The following SGCZ variants were observed in gnomAD, a reference collection of about 807,000 sequenced individuals.
SGCZ encodes the protein sarcoglycan zeta.
In SGCZ, 40 loss-of-function variants were observed where a neutral mutation model predicts 41.3. The observed-to-expected ratio is 0.97, with a 90% CI of 0.75 to 1.26. The LOEUF (loss-of-function observed/expected upper bound fraction) is 1.26, where lower values mean the gene tolerates loss of function less well. SGCZ is among the 50% of genes most tolerant of loss of function. The pLI is 0.00. For missense variants in SGCZ, 552 were observed against 369.8 expected, an observed-to-expected ratio of 1.49 and a Z score of -4.04; for synonymous variants, 206 against 137.5, an observed-to-expected ratio of 1.50 and a Z score of -3.49.
chr8:14,773,959 T>G (rs1428109466), intron 1 of SGCZ, among the ~76,000 whole-genome samples: 2 of 152,142 alleles, frequency 1.3e-5, no homozygotes, highest in Non-Finnish European at 2.9e-5. Context: ...TAGCCAGAAG[T>G]TTTCAAATAA....
chr8:15,152,059 G>A (rs1799193216), intron 1 of SGCZ, among the ~76,000 whole-genome samples: 1 of 152,118 alleles, frequency 6.6e-6, no homozygotes, highest in African/African-American at 2.4e-5. Context: ...TAAAAGGGGT[G>A]TTTTATTATT....
intron 1 of SGCZ, among the ~76,000 whole-genome samples, chr8:14,975,809 A>ATGTG (rs66667974): frequency 9.9e-5 from 13 of 131,898 alleles, no homozygotes; most frequent in South Asian, 6.8e-4. Flanking sequence ...ATATATATAT[A>ATGTG]TGTGTGTGTG....
chr8:14,155,051 A>G (rs1158614312), intron 5 of SGCZ, among the ~76,000 whole-genome samples: 1 of 152,226 alleles, frequency 6.6e-6, no homozygotes, highest in East Asian at 1.9e-4. Context: ...GTTTTGGAGT[A>G]GTTTGCTACA....
intron 2 of SGCZ, among the ~76,000 whole-genome samples, chr8:14,474,058 A>G (rs1801288953): frequency 6.6e-6 from 1 of 152,104 alleles, no homozygotes; most frequent in Admixed American, 6.5e-5. Flanking sequence ...GGGGAAAGTT[A>G]TAGGGGAAAG....
intron 1 of SGCZ, among the ~76,000 whole-genome samples, chr8:14,809,430 T>C (rs1429239401): frequency 6.6e-6 from 1 of 152,138 alleles, no homozygotes; most frequent in Admixed American, 6.6e-5. Context: ...GGTCTTTGCC[T>C]TGTGTTAAAA....
intron 1 of SGCZ, among the ~76,000 whole-genome samples, chr8:14,654,037 A>G (rs1209195819): frequency 6.6e-6 from 1 of 152,118 alleles, no homozygotes; most frequent in Non-Finnish European, 1.5e-5. Flanking sequence ...TGCATGATGG[A>G]GCATATTATA....
At chr8:15,130,141 T>C (rs951900728) in intron 1 of SGCZ, among the ~76,000 whole-genome samples, 2 of 152,134 alleles carry the variant, frequency 1.3e-5, no homozygotes, top group African/African-American at 4.8e-5. Flanking sequence ...TGGCATTTCT[T>C]AAAGGAATGT....
intron 1 of SGCZ, among the ~76,000 whole-genome samples, chr8:15,113,763 A>G (rs536859920): frequency 2.6e-5 from 4 of 152,230 alleles, no homozygotes; most frequent in East Asian, 3.9e-4. Flanking sequence ...GACCCTCTAC[A>G]ATCCTCCTAC....
intron 1 of SGCZ, among the ~76,000 whole-genome samples, chr8:15,024,994 T>A (rs1241614531): frequency 2.7e-5 from 4 of 149,306 alleles, no homozygotes; most frequent in Non-Finnish European, 4.5e-5. Flanking sequence ...GAAAGATGAG[T>A]TTCAAGCAAA....
intron 2 of SGCZ, among the ~76,000 whole-genome samples, chr8:14,390,696 A>G (rs1364780486): frequency 1.3e-5 from 2 of 151,992 alleles, no homozygotes; most frequent in Non-Finnish European, 2.9e-5. Flanking sequence ...GAAGTTATTT[A>G]AATTATATGA....
chr8:15,048,659 T>A (rs1489421322), intron 1 of SGCZ, among the ~76,000 whole-genome samples: 5 of 152,106 alleles, frequency 3.3e-5, no homozygotes, highest in African/African-American at 1.2e-4. Flanking sequence ...ATTCTCCAAT[T>A]GGGATCAAAA....
intron 1 of SGCZ, among the ~76,000 whole-genome samples, chr8:14,981,906 T>TTGGGAGGC (rs1324117221): frequency 6.6e-6 from 1 of 152,064 alleles, no homozygotes; most frequent in Non-Finnish European, 1.5e-5. Flanking sequence ...TCCCAGCACT[T>TTGGGAGGC]TGGGAGGCTG....
chr8:15,203,393 A>G (rs17121136), intron 1 of SGCZ, among the ~76,000 whole-genome samples: 9,107 of 152,184 alleles, frequency 0.06, 314 homozygotes, highest in African/African-American at 0.078. Flanking sequence ...TGAGTGTACA[A>G]ACCCCGTGAG....
intron 1 of SGCZ, among the ~76,000 whole-genome samples, chr8:14,721,479 T>C (rs186091283): frequency 6.6e-6 from 1 of 152,270 alleles, no homozygotes; most frequent in Admixed American, 6.5e-5. Context: ...CTTAGGCCAG[T>C]ATTGAAAGCA....
chr8:14,851,329 A>C (rs908359872), intron 1 of SGCZ, among the ~76,000 whole-genome samples: 2 of 136,204 alleles, frequency 1.5e-5, no homozygotes, highest in African/African-American at 5.7e-5. Context: ...AGATCATGCC[A>C]CTGCACTCCA....
rs779172139 is a variant in SGCZ, at chr8:14,309,354, G to A, written c.336+14749C>T. 8.0e-5 allele frequency: 128 copies of A among 1,603,900 alleles called. 1 individual carries two copies. Among genetic ancestry groups the A allele is most frequent in the Non-Finnish European group, 1.0e-4 (122 of 1,173,028 alleles). On this transcript the variant is annotated intron_variant, in intron 3 of 7. Coordinates refer to ENST00000382080, the MANE Select transcript of SGCZ (RefSeq NM_139167.4). The stretch of plus-strand genomic sequence containing the variant: ...GATGAGAAAAACAAATGGGGAGGAC[G>A]ATGGCTAATTACATTGAACAGTCAG...
rs78853028 is a variant in SGCZ at position 15,124,587 on chromosome 8, T to A, written c.39+112998A>T. Among the ~76,000 whole-genome samples the A allele has an allele frequency of 1.2e-3, 189 of 152,322 alleles. 1 individual carries two copies. The highest frequency in any genetic ancestry group is 3.7e-3 in the African/African-American group (155 of 41,576). On this transcript the variant is annotated intron_variant, in intron 1 of 7. Coordinates refer to ENST00000382080, the MANE Select transcript of SGCZ (RefSeq NM_139167.4). Reference sequence around the variant, plus strand: ...TCAAAATACTGGAATAGTCTATTTATTTGAAGTTTCCTCTTCAATTGTAAA... The same window carrying A: ...TCAAAATACTGGAATAGTCTATTTAATTGAAGTTTCCTCTTCAATTGTAAA...
intron 1 of SGCZ, among the ~76,000 whole-genome samples, chr8:14,892,360 G>C (rs1466448193): frequency 2.0e-5 from 3 of 152,108 alleles, no homozygotes; most frequent in Non-Finnish European, 4.4e-5. Context: ...GTAAGTAAAT[G>C]TGAGCTTACT....
chr8:15,058,936 T>C (rs1804813883), intron 1 of SGCZ, among the ~76,000 whole-genome samples: 1 of 152,174 alleles, frequency 6.6e-6, no homozygotes, highest in Non-Finnish European at 1.5e-5. Context: ...AAACCAGGTG[T>C]TTTTAAAAGA....
Sources: allele counts gnomAD v4.1 joint callset (sites outside exome capture counted in the v4.1 genomes callset), GRCh38; gene constraint gnomAD v4.1.1; transcripts MANE v1.5; gene names NCBI Gene and HGNC (gene_info 2026-07-23, HGNC 2026-07-21).